Variants in TYW1B observed in about 807,000 individuals in gnomAD.
The protein encoded by TYW1B is S-adenosyl-L-methionine-dependent tRNA 4-demethylwyosine synthase TYW1B.
A neutral mutation model predicts 86.9 loss-of-function variants in TYW1B; 73 were observed. That is an observed-to-expected ratio of 0.84 (90% CI 0.70 to 1.02). The LOEUF (loss-of-function observed/expected upper bound fraction) is 1.02. Ranked by LOEUF, TYW1B falls within the 50% of genes least tolerant of loss-of-function variation. The pLI is 0.00. For synonymous variants in TYW1B, 248 were observed against 292.8 expected (o/e 0.85, Z 1.56); for missense variants, 637 against 827.4 (o/e 0.77, Z 2.82).
rs540201148 is a variant in TYW1B, at chr7:72,825,263, TC to T, written c.135+1591del. Among the ~76,000 whole-genome samples the T allele has an allele frequency of 3.4e-3, 522 of 151,866 alleles. 2 individuals are homozygous for T. Among genetic ancestry groups the T allele is most frequent in the African/African-American group, 0.012 (490 of 41,400 alleles). ...AGATGGCACTACAGCCAGACACTGT[TC>T]CCCCCCAAAAAAGAGAGAATGGGAA... On this transcript the variant is annotated intron_variant, in intron 2 of 13. Coordinates refer to ENST00000620995, the MANE Select transcript of TYW1B (RefSeq NM_001145440.3).
intron 7 of TYW1B, among the ~76,000 whole-genome samples, chr7:72,747,085 A>C (rs1216264572): frequency 4.6e-5 from 7 of 152,066 alleles, no homozygotes; most frequent in African/African-American, 1.7e-4. Context: ...CATTTGTTGA[A>C]AATTTCAACA....
chr7:72,773,146 C>G (rs1787896070), intron 7 of TYW1B, among the ~76,000 whole-genome samples: 1 of 152,110 alleles, frequency 6.6e-6, no homozygotes, highest in Non-Finnish European at 1.5e-5. Flanking sequence ...TCCCAAGATA[C>G]ATAGGTTTCT....
chr7:72,819,335 G>C (rs1449128258), intron 2 of TYW1B, among the ~76,000 whole-genome samples: 1 of 152,178 alleles, frequency 6.6e-6, no homozygotes, highest in African/African-American at 2.4e-5. Context: ...TTGCTGAGTT[G>C]AGAGTATACT....
At chr7:72,682,316 T>G (rs1813896142) in intron 11 of TYW1B, among the ~76,000 whole-genome samples, 1 of 152,174 alleles carries the variant, frequency 6.6e-6, no homozygotes, top group South Asian at 2.1e-4. Flanking sequence ...TTATCAAATC[T>G]GTACTTTAAA....
intron 13 of TYW1B, among the ~76,000 whole-genome samples, chr7:72,609,899 G>A (rs1563028855): frequency 6.6e-6 from 1 of 152,146 alleles, no homozygotes; most frequent in African/African-American, 2.4e-5. Flanking sequence ...TTACTTTTTG[G>A]ATGGGTTTCT....
At chr7:72,756,775 G>C (rs1284190762) in intron 7 of TYW1B, among the ~76,000 whole-genome samples, 2 of 152,086 alleles carry the variant, frequency 1.3e-5, no homozygotes, top group African/African-American at 4.8e-5. Context: ...AATATATAAA[G>C]AACTTTTACA....
At chr7:72,738,986 T>C (rs1172188652) in intron 8 of TYW1B, among the ~76,000 whole-genome samples, 5 of 152,104 alleles carry the variant, frequency 3.3e-5, no homozygotes, top group Admixed American at 6.6e-5. Flanking sequence ...CTCAAGTGGC[T>C]GAGGCAGGAG....
At chr7:72,745,160 G>A (rs1394590991) in intron 7 of TYW1B, among the ~76,000 whole-genome samples, 7 of 152,260 alleles carry the variant, frequency 4.6e-5, no homozygotes, top group East Asian at 1.9e-4. Flanking sequence ...AAGTAGCTGG[G>A]ACTATGGGTG....
At chr7:72,609,493 A>C (rs573666946) in intron 13 of TYW1B, among the ~76,000 whole-genome samples, 4 of 152,226 alleles carry the variant, frequency 2.6e-5, no homozygotes, top group African/African-American at 7.2e-5. Context: ...TGGGAGGTAG[A>C]GGTTGCAATG....
At chr7:72,695,301 G>A (rs781974441) in intron 10 of TYW1B, among the ~76,000 whole-genome samples, 59 of 152,208 alleles carry the variant, frequency 3.9e-4, no homozygotes, top group Middle Eastern at 3.4e-3. Flanking sequence ...TTCAAAGGAC[G>A]CTGAGTCACA....
Position 72,604,455 on chromosome 7 carries a change from C to G in TYW1B, c.1785+12217G>C, listed in dbSNP as rs147634270. On this transcript the variant is annotated intron_variant, in intron 13 of 13. Transcript: ENST00000620995. The stretch of plus-strand genomic sequence containing the variant: ...CCAATCTGGGCGACAGAGTGAGACT[C>G]TGTCTCAAAAAATAAAAAAATTTTT... Among the ~76,000 whole-genome samples, 1,320 of 152,106 alleles carry G rather than the reference C, an allele frequency of 8.7e-3. 21 individuals are homozygous for G. Among genetic ancestry groups the G allele is most frequent in the African/African-American group, 0.028 (1,145 of 41,482 alleles).
intron 1 of TYW1B, among the ~76,000 whole-genome samples, chr7:72,827,628 C>T (rs1308814303): frequency 1.3e-5 from 2 of 152,054 alleles, no homozygotes; most frequent in African/African-American, 4.8e-5. Flanking sequence ...ATAAAAAAAG[C>T]TTAAGTAGTA....
intron 11 of TYW1B, among the ~76,000 whole-genome samples, chr7:72,649,383 C>G (rs1217581540): frequency 6.6e-6 from 1 of 152,126 alleles, no homozygotes; most frequent in Admixed American, 6.6e-5. Flanking sequence ...AAGAGAGGTG[C>G]CCTATCTACA....
intron 11 of TYW1B, among the ~76,000 whole-genome samples, chr7:72,671,847 CTTTT>C (rs34112293): frequency 2.8e-5 from 4 of 145,344 alleles, no homozygotes; most frequent in South Asian, 2.2e-4. Context: ...TTTAAAAAGT[CTTTT>C]TTTTTTTTTT....
intron 8 of TYW1B, among the ~76,000 whole-genome samples, chr7:72,731,644 CAAACCA>C (rs1206161807): frequency 6.6e-6 from 1 of 152,108 alleles, no homozygotes; most frequent in African/African-American, 2.4e-5. Flanking sequence ...ACATACCACA[CAAACCA>C]AAACCAAAAG....
chr7:72,739,843 G>A lies in TYW1B; in HGVS notation c.1082+4641C>T, dbSNP rs548602814. 1.9e-4 allele frequency among the ~76,000 whole-genome samples: 26 copies of A among 140,098 alleles called. No homozygotes were observed. In the East Asian group the frequency reaches 5.0e-3, roughly 27 times the overall value. The allele number at this position is 140,098 out of a possible 152,430, so 91.9% of individuals were successfully genotyped here. The stretch of plus-strand genomic sequence containing the variant: ...GACATGCTAAGAAGCGGCCTAGGAA[G>A]AGTCTAAACTTTCACCTCTGCCCGA... On this transcript the variant is annotated intron_variant, in intron 8 of 13. Transcript: ENST00000620995.
At chr7:72,765,195 T>C (rs1446019495) in intron 7 of TYW1B, among the ~76,000 whole-genome samples, 1 of 152,194 alleles carries the variant, frequency 6.6e-6, no homozygotes, top group Non-Finnish European at 1.5e-5. Context: ...TCCTTAAGAT[T>C]GTACGTGAGA....
At chr7:72,763,245 C>A (rs1300001507) in intron 7 of TYW1B, among the ~76,000 whole-genome samples, 3 of 141,520 alleles carry the variant, frequency 2.1e-5, no homozygotes, top group Non-Finnish European at 4.7e-5. Context: ...GAAAACTGAG[C>A]TTTAGAGGGT....
At chr7:72,650,051 G>A (rs1264830465) in intron 11 of TYW1B, among the ~76,000 whole-genome samples, 1 of 148,374 alleles carries the variant, frequency 6.7e-6, no homozygotes, top group Non-Finnish European at 1.5e-5. Flanking sequence ...CACCATGCCT[G>A]GCCAATTTTT....
Sources: allele counts gnomAD v4.1 joint callset (sites outside exome capture counted in the v4.1 genomes callset), GRCh38; gene constraint gnomAD v4.1.1; transcripts MANE v1.5; gene names NCBI Gene and HGNC (gene_info 2026-07-23, HGNC 2026-07-21).